TRIM67: variants seen among roughly 807,000 people sequenced by gnomAD.
TRIM67 encodes tripartite motif containing 67.
A neutral mutation model predicts 71.0 loss-of-function variants in TRIM67; 39 were observed. The ratio of observed to expected loss-of-function variants is 0.55; its 90% CI spans 0.43 to 0.72. The LOEUF (loss-of-function observed/expected upper bound fraction) is 0.72, where lower values mean the gene tolerates loss of function less well. Ranked by LOEUF, TRIM67 falls within the 30% of genes least tolerant of loss-of-function variation. The pLI is 0.00. For missense variants in TRIM67, 973 were observed against 1,079.2 expected (o/e 0.90, Z 1.38); for synonymous variants, 481 against 473.9 (o/e 1.01, Z -0.19).
intron 1 of TRIM67, among the ~76,000 whole-genome samples, chr1:231,194,072 A>T (rs1683305654): frequency 6.6e-6 from 1 of 152,044 alleles, no homozygotes; most frequent in Non-Finnish European, 1.5e-5. Context: ...CGCGGATCTC[A>T]CACTTCTAGC....
intron 1 of TRIM67, among the ~76,000 whole-genome samples, chr1:231,190,897 C>G (rs538243122): frequency 1.3e-5 from 2 of 152,162 alleles, no homozygotes. Flanking sequence ...GTGCTCACCT[C>G]CTCCCTCTCT....
At chr1:231,206,507 C>T (rs1055088528) in intron 6 of TRIM67, 145 bp from the exon 7 acceptor site, 18 of 727,900 alleles carry the variant, frequency 2.5e-5, no homozygotes, top group South Asian at 5.5e-5. Flanking sequence ...TGGACTCAAG[C>T]GATGCTCCCA....
At chr1:231,166,983 T>C (rs1490990246) in intron 1 of TRIM67, among the ~76,000 whole-genome samples, 1 of 152,194 alleles carries the variant, frequency 6.6e-6, no homozygotes, top group African/African-American at 2.4e-5. Flanking sequence ...CTGTGTACCA[T>C]AGCTCTTTCC....
At chr1:231,208,651 G>A (rs1683778393) in intron 7 of TRIM67, among the ~76,000 whole-genome samples, 1 of 152,126 alleles carries the variant, frequency 6.6e-6, no homozygotes, top group Admixed American at 6.5e-5. Flanking sequence ...ATTTGGAAGG[G>A]TTTTAGAAAC....
At chr1:231,211,935 G>C (rs1018167274) in intron 8 of TRIM67, among the ~76,000 whole-genome samples, 1 of 152,136 alleles carries the variant, frequency 6.6e-6, no homozygotes, top group Non-Finnish European at 1.5e-5. Flanking sequence ...AATTAGCCGG[G>C]CATGGTGTGT....
At chr1:231,199,488 C>T (rs996329206) in intron 3 of TRIM67, among the ~76,000 whole-genome samples, 1 of 152,186 alleles carries the variant, frequency 6.6e-6, no homozygotes, top group African/African-American at 2.4e-5. Context: ...CTAGCCCTGA[C>T]CCTGTTCAGG....
intron 1 of TRIM67, among the ~76,000 whole-genome samples, chr1:231,178,431 G>T (rs868418637): frequency 2.6e-5 from 4 of 152,212 alleles, no homozygotes; most frequent in African/African-American, 9.7e-5. Flanking sequence ...ACATGTGCGT[G>T]TTCAATAAAA....
chr1:231,210,034 T>C (rs1237878598), intron 8 of TRIM67, among the ~76,000 whole-genome samples: 1 of 152,146 alleles, frequency 6.6e-6, no homozygotes, highest in African/African-American at 2.4e-5. Context: ...CTCTGTACTC[T>C]TTCTCCTCTC....
Position 231,163,752 on chromosome 1 carries a change from C to A in TRIM67, c.783C>A (p.Ala261=), listed in dbSNP as rs899960215. The part of the protein sequence containing the change: ...VQPPPPPPPP[A]EAASGPTGTA... ...CGCCGCCGCCGCCGCCGCCGCCCGC[C>A]GAGGCAGCCTCCGGGCCCACTGGCA... Residue 261 remains alanine, a synonymous_variant, in exon 1 of 10, where the codon GCC becomes GCA. Coordinates refer to ENST00000366653, the MANE Select transcript of TRIM67 (RefSeq NM_001004342.5). 2 of 1,493,450 alleles carry A rather than the reference C, an allele frequency of 1.3e-6. No individual in the cohort carries two copies. The highest frequency in any genetic ancestry group is 1.8e-6 in the Non-Finnish European group (2 of 1,121,606). 92.5% of individuals were successfully genotyped at this position (1,493,450 alleles called of 1,614,324 possible). A position where few individuals can be genotyped will look rare whatever the true frequency, so the allele number is the denominator to read the frequency against.
At position 231,220,043 on chromosome 1, in the gene TRIM67, A is replaced by T; in HGVS notation, c.*4603A>T. ...ATCCCCACCTGAAATGAGACTAGTCATACTAACCTACCTCCTCTGATGTAT... is the reference window on the plus strand; with the variant it reads ...ATCCCCACCTGAAATGAGACTAGTCTTACTAACCTACCTCCTCTGATGTAT... On this transcript the variant is annotated 3_prime_UTR_variant, in exon 10 of 10. Coordinates refer to ENST00000366653, the MANE Select transcript of TRIM67 (RefSeq NM_001004342.5). The T allele has an allele frequency of 1.0e-6, 1 of 975,784 alleles. No homozygotes were observed. The highest frequency in any genetic ancestry group is 1.4e-6 in the Non-Finnish European group (1 of 702,698). 60.4% of individuals were successfully genotyped at this position (975,784 alleles called of 1,614,324 possible).
At chr1:231,188,922 C>T (rs1683158852) in intron 1 of TRIM67, among the ~76,000 whole-genome samples, 2 of 152,200 alleles carry the variant, frequency 1.3e-5, no homozygotes, top group Admixed American at 1.3e-4. Flanking sequence ...TGTCCTGTGG[C>T]ACAAAAATGA....
Position 231,217,009 on chromosome 1 carries a change from C to T in TRIM67, c.*1569C>T, listed in dbSNP as rs1684029169. 4.1e-6 allele frequency: 4 copies of T among 985,896 alleles called. No homozygotes were observed. Among genetic ancestry groups the T allele is most frequent in the South Asian group, 4.7e-5 (1 of 21,282 alleles). The allele number at this position is 985,896 out of a possible 1,614,324, so 61.1% of individuals were successfully genotyped here. A position where few individuals can be genotyped will look rare whatever the true frequency, so the allele number is the denominator to read the frequency against. ...TGCTGGACTGGATTTTTATAAAATT[C>T]GCCCATTCACCAGCACCAACTGTGC... is the stretch of plus-strand genomic sequence containing the variant. On this transcript the variant is annotated 3_prime_UTR_variant, in exon 10 of 10. Coordinates refer to ENST00000366653, the MANE Select transcript of TRIM67 (RefSeq NM_001004342.5).
At chr1:231,174,393 C>A (rs1350788836) in intron 1 of TRIM67, among the ~76,000 whole-genome samples, 1 of 150,694 alleles carries the variant, frequency 6.6e-6, no homozygotes, top group African/African-American at 2.4e-5. Context: ...GTCTCAATCT[C>A]CTGGCCTCAA....
At chr1:231,211,828 A>G (rs1384606222) in intron 8 of TRIM67, among the ~76,000 whole-genome samples, 1 of 152,160 alleles carries the variant, frequency 6.6e-6, no homozygotes, top group Non-Finnish European at 1.5e-5. Flanking sequence ...GGTCTCAGCT[A>G]CTCAGGAGGC....
intron 1 of TRIM67, among the ~76,000 whole-genome samples, chr1:231,193,305 G>C (rs1476112343): frequency 1.3e-5 from 2 of 152,222 alleles, no homozygotes; most frequent in Admixed American, 1.3e-4. Context: ...ACTGAGGACT[G>C]TATGATGAGT....
intron 1 of TRIM67, among the ~76,000 whole-genome samples, chr1:231,168,906 G>C (rs929125050): frequency 6.6e-6 from 1 of 152,228 alleles, no homozygotes; most frequent in African/African-American, 2.4e-5. Flanking sequence ...GGGGCCTGAA[G>C]TCTACAACTC....
chr1:231,172,446 C>T (rs1035944596), intron 1 of TRIM67, among the ~76,000 whole-genome samples: 1 of 152,122 alleles, frequency 6.6e-6, no homozygotes, highest in African/African-American at 2.4e-5. Context: ...CTAGCGTTCC[C>T]TCTCTATTTT....
At chr1:231,196,690 T>C (rs957487696) in intron 1 of TRIM67, among the ~76,000 whole-genome samples, 7 of 152,210 alleles carry the variant, frequency 4.6e-5, no homozygotes, top group Non-Finnish European at 1.0e-4. Flanking sequence ...AGCCATAGAT[T>C]TGAGCTCAGC....
At chr1:231,184,920 G>T (rs1394614951) in intron 1 of TRIM67, 2 of 1,151,948 alleles carry the variant, frequency 1.7e-6, no homozygotes, top group Admixed American at 2.4e-5. Flanking sequence ...ATTAGGGTTT[G>T]AATTCAGGGC....
Sources: gnomAD v4.1 joint callset for allele counts (sites outside exome capture counted in the v4.1 genomes callset) on GRCh38, gnomAD v4.1.1 for gene constraint, MANE v1.5 for transcripts, NCBI Gene and HGNC (gene_info 2026-07-23, HGNC 2026-07-21) for gene names.